Variants in UBR3 observed in about 807,000 individuals in gnomAD.
UBR3 encodes ubiquitin protein ligase E3 component n-recognin 3, also known as E3 ubiquitin-protein ligase UBR3.
A neutral mutation model predicts 243.2 loss-of-function variants in UBR3; 85 were observed. The ratio of observed to expected loss-of-function variants is 0.35; its 90% CI spans 0.29 to 0.42. The LOEUF (loss-of-function observed/expected upper bound fraction) is 0.42. UBR3 is among the 10% of genes least tolerant of loss of function. UBR3 has a pLI of 1.00. For missense variants in UBR3, 1,686 were observed against 2,300.8 expected, an observed-to-expected ratio of 0.73 and a Z score of 5.47; for synonymous variants, 748 against 799.8, an observed-to-expected ratio of 0.94 and a Z score of 1.09.
At chr2:169,967,358 T>C (rs2087869740) in intron 24 of UBR3, among the ~76,000 whole-genome samples, 1 of 150,958 alleles carries the variant, frequency 6.6e-6, no homozygotes, top group African/African-American at 2.4e-5. Flanking sequence ...GATGGTTGGT[T>C]GAGTGCTTCA....
chr2:169,843,969 G>A (rs1278319192), intron 1 of UBR3, among the ~76,000 whole-genome samples: 1 of 148,334 alleles, frequency 6.7e-6, no homozygotes, highest in African/African-American at 2.5e-5. Flanking sequence ...GTTGAATAAG[G>A]TTTTAACATA....
intron 23 of UBR3, among the ~76,000 whole-genome samples, chr2:169,955,892 A>G (rs571087855): frequency 4.4e-4 from 66 of 151,558 alleles, no homozygotes; most frequent in Middle Eastern, 3.4e-3. Flanking sequence ...AATGGTATTT[A>G]GAAACCCCAG....
intron 36 of UBR3, chr2:170,077,468 T>G: frequency 6.8e-7 from 1 of 1,466,354 alleles, no homozygotes; most frequent in East Asian, 2.4e-5. Context: ...TGGGCTTTCT[T>G]GAAACGCAAG....
intron 29 of UBR3, among the ~76,000 whole-genome samples, chr2:170,012,673 G>GTT (rs34266638): frequency 0.062 from 8,953 of 145,328 alleles, 339 homozygotes; most frequent in Non-Finnish European, 0.089. Flanking sequence ...GAAGATACTG[G>GTT]TTTTTTTTTT....
intron 18 of UBR3, among the ~76,000 whole-genome samples, chr2:169,930,976 A>C (rs1302135895): frequency 1.3e-5 from 2 of 152,290 alleles, no homozygotes; most frequent in South Asian, 2.1e-4. Flanking sequence ...TAATCACTGA[A>C]GTTTTCTTCC....
intron 1 of UBR3, among the ~76,000 whole-genome samples, chr2:169,829,668 G>C (rs903769159): frequency 6.6e-6 from 1 of 152,016 alleles, no homozygotes; most frequent in Non-Finnish European, 1.5e-5. Flanking sequence ...CAGGTGATCC[G>C]CCCGCGTCGG....
intron 10 of UBR3, among the ~76,000 whole-genome samples, chr2:169,913,413 A>G (rs1431434863): frequency 8.2e-6 from 1 of 122,258 alleles, no homozygotes; most frequent in African/African-American, 2.9e-5. Context: ...ATTTCTGTTT[A>G]ATTTAGAACT....
In UBR3 at chr2:169,971,402, T is replaced by C. The variant is rs540191353; in HGVS notation, c.3634+12876T>C. ...GTTTTAGACATGAAGTCCTTGCCCA[T>C]GCCTATGTCCTGAATGGTAATGCCT... On this transcript the variant is annotated intron_variant, in intron 24 of 38. Transcript: ENST00000272793. 7.4e-3 allele frequency among the ~76,000 whole-genome samples: 1,109 copies of C among 150,516 alleles called. 9 individuals carry two copies. The highest frequency in any genetic ancestry group is 0.024 in the African/African-American group (1,003 of 41,046).
At chr2:169,834,800 G>A (rs917455283) in intron 1 of UBR3, among the ~76,000 whole-genome samples, 1 of 152,168 alleles carries the variant, frequency 6.6e-6, no homozygotes, top group Non-Finnish European at 1.5e-5. Context: ...GCAATATGTG[G>A]AATATACGTA....
In UBR3 at chr2:169,946,235, A is replaced by C. The variant is rs1253337244; in HGVS notation, c.2806-53A>C. 2.8e-6 allele frequency: 3 copies of C among 1,061,124 alleles called. No individual in the cohort carries two copies. The African/African-American group carries it at 5.0e-5, about 18-fold the overall frequency. 65.7% of individuals were successfully genotyped at this position (1,061,124 alleles called of 1,614,324 possible). On this transcript the variant is annotated intron_variant, in intron 20 of 38. Transcript: ENST00000272793. ...AAAATATTTTTGGATCTCTAAATGAAATACCTTTTGTGGAAAAAAGTAATT... is the reference window on the plus strand; with the variant it reads ...AAAATATTTTTGGATCTCTAAATGACATACCTTTTGTGGAAAAAAGTAATT...
At chr2:169,900,877 A>G (rs1302804574) in intron 8 of UBR3, among the ~76,000 whole-genome samples, 1 of 152,114 alleles carries the variant, frequency 6.6e-6, no homozygotes, top group East Asian at 1.9e-4. Flanking sequence ...ACATAGTCCT[A>G]GTTTTCCCAG....
At chr2:169,859,351 G>A (rs1018383065) in intron 1 of UBR3, among the ~76,000 whole-genome samples, 5 of 152,090 alleles carry the variant, frequency 3.3e-5, no homozygotes, top group Non-Finnish European at 5.9e-5. Flanking sequence ...GATTATAGGC[G>A]TGACACACTG....
intron 29 of UBR3, among the ~76,000 whole-genome samples, chr2:170,012,878 G>A (rs777914913): frequency 1.3e-5 from 2 of 152,044 alleles, no homozygotes; most frequent in Non-Finnish European, 2.9e-5. Context: ...GTTGAATGGG[G>A]GGATTGAGAG....
At chr2:170,068,752 A>AG (rs1457070791) in intron 35 of UBR3, among the ~76,000 whole-genome samples, 1 of 152,130 alleles carries the variant, frequency 6.6e-6, no homozygotes, top group Non-Finnish European at 1.5e-5. Context: ...AGAAAAAAAA[A>AG]GGAGAGGTGG....
chr2:170,052,663 G>C (rs543511900), intron 32 of UBR3, among the ~76,000 whole-genome samples: 2 of 152,294 alleles, frequency 1.3e-5, no homozygotes, highest in East Asian at 1.9e-4. Context: ...AGAGTAGGAG[G>C]GTGGTTCACA....
At chr2:170,000,710 G>C (rs1407343143) in intron 26 of UBR3, among the ~76,000 whole-genome samples, 2 of 152,202 alleles carry the variant, frequency 1.3e-5, no homozygotes, top group African/African-American at 4.8e-5. Flanking sequence ...ATCTAAGTTT[G>C]CAGGGTAGTC....
chr2:169,852,638 T>C (rs2082693385), intron 1 of UBR3, among the ~76,000 whole-genome samples: 1 of 151,594 alleles, frequency 6.6e-6, no homozygotes, highest in African/African-American at 2.4e-5. Context: ...AGGTCAGGGA[T>C]TTGAGACCAG....
chr2:169,877,662 C>T, intron 4 of UBR3, 25 bp downstream of exon 4: 4 of 1,524,148 alleles, frequency 2.6e-6, no homozygotes, highest in Non-Finnish European at 3.5e-6. Context: ...TTAATTTGAA[C>T]AGTTGTAACT....
intron 35 of UBR3, among the ~76,000 whole-genome samples, chr2:170,068,433 A>C (rs1364653329): frequency 1.3e-5 from 2 of 152,152 alleles, no homozygotes; most frequent in Admixed American, 6.5e-5. Context: ...GTGCCACTAC[A>C]CTCCAGTCTG....
Sources: gnomAD v4.1 joint callset for allele counts (sites outside exome capture counted in the v4.1 genomes callset) on GRCh38, gnomAD v4.1.1 for gene constraint, MANE v1.5 for transcripts, NCBI Gene and HGNC (gene_info 2026-07-23, HGNC 2026-07-21) for gene names.